Variants in RARB observed in about 807,000 individuals in gnomAD.
RARB encodes the protein retinoic acid receptor beta, also known as HBV-activated protein.
In RARB, 17 loss-of-function variants were observed where a neutral mutation model predicts 51.9. The ratio of observed to expected loss-of-function variants is 0.33; its 90% CI spans 0.22 to 0.49. RARB has a LOEUF of 0.49. Among genes scored for constraint, RARB ranks in the 20% least tolerant of loss-of-function variants. RARB has a pLI of 0.99. For missense variants in RARB, 369 were observed against 550.8 expected (o/e 0.67, Z 3.30); for synonymous variants, 215 against 195.4 (o/e 1.10, Z -0.84).
chr3:25,480,002 G>T (rs1388266629), intron 2 of RARB, among the ~76,000 whole-genome samples: 1 of 152,200 alleles, frequency 6.6e-6, no homozygotes, highest in Admixed American at 6.5e-5. Flanking sequence ...GGAAGTGAGA[G>T]ATTTGCATAT....
intron 5 of RARB, among the ~76,000 whole-genome samples, chr3:25,394,200 A>G (rs1418394915): frequency 6.6e-6 from 1 of 152,152 alleles, no homozygotes; most frequent in South Asian, 2.1e-4. Context: ...ATGTATTTGC[A>G]TGGTTTTGAG....
At chr3:25,216,315 C>G (rs1701830848) in intron 5 of RARB, among the ~76,000 whole-genome samples, 1 of 152,064 alleles carries the variant, frequency 6.6e-6, no homozygotes, top group Non-Finnish European at 1.5e-5. Flanking sequence ...TATCCATAAA[C>G]ACTAAATGTT....
chr3:25,285,261 T>G (rs1703621175), intron 5 of RARB, among the ~76,000 whole-genome samples: 1 of 152,174 alleles, frequency 6.6e-6, no homozygotes, highest in South Asian at 2.1e-4. Flanking sequence ...AGTGATATGA[T>G]GAATTCTGAA....
At chr3:24,904,976 G>T (rs907147855) in intron 2 of RARB, among the ~76,000 whole-genome samples, 1 of 152,100 alleles carries the variant, frequency 6.6e-6, no homozygotes, top group African/African-American at 2.4e-5. Flanking sequence ...AAACACATGG[G>T]CACAGGGAGG....
At chr3:24,899,656 T>G (rs1318495657) in intron 2 of RARB, among the ~76,000 whole-genome samples, 2 of 152,074 alleles carry the variant, frequency 1.3e-5, no homozygotes, top group East Asian at 3.9e-4. Flanking sequence ...GATGAATGGT[T>G]GTTTTGAGGA....
intron 3 of RARB, among the ~76,000 whole-genome samples, chr3:25,100,121 T>C (rs17575546): frequency 0.041 from 6,205 of 152,270 alleles, 167 homozygotes; most frequent in Middle Eastern, 0.075. Flanking sequence ...TTGATTGTCA[T>C]ATCCCTCCAA....
chr3:24,969,569 A>C (rs1183586893), intron 2 of RARB, among the ~76,000 whole-genome samples: 1 of 152,196 alleles, frequency 6.6e-6, no homozygotes, highest in African/African-American at 2.4e-5. Context: ...TCTTTTATTT[A>C]TGTGCCATTT....
At chr3:25,491,483 CAGAAG>C (rs1174558056) in intron 2 of RARB, among the ~76,000 whole-genome samples, 1 of 152,014 alleles carries the variant, frequency 6.6e-6, no homozygotes, top group Non-Finnish European at 1.5e-5. Context: ...TAAGGTCAAC[CAGAAG>C]AGAAGAGAGA....
At chr3:24,909,476 C>T (rs542916740) in intron 2 of RARB, among the ~76,000 whole-genome samples, 5 of 152,040 alleles carry the variant, frequency 3.3e-5, no homozygotes, top group East Asian at 1.9e-4. Flanking sequence ...AGTGTGCACA[C>T]GAGGCCTGTC....
chr3:25,032,438 G>T (rs1339819708), intron 2 of RARB, among the ~76,000 whole-genome samples: 2 of 152,200 alleles, frequency 1.3e-5, no homozygotes, highest in Non-Finnish European at 2.9e-5. Context: ...AGTATCCCTT[G>T]TTGGTTTATA....
chr3:25,392,634 A>AT (rs1005119121), intron 5 of RARB, among the ~76,000 whole-genome samples: 1 of 150,680 alleles, frequency 6.6e-6, no homozygotes, highest in Non-Finnish European at 1.5e-5. Context: ...TCCTATGTAT[A>AT]TTTTTTTTCA....
chr3:25,556,866 C>A (rs1355387188), intron 3 of RARB, among the ~76,000 whole-genome samples: 1 of 152,180 alleles, frequency 6.6e-6, no homozygotes, highest in Non-Finnish European at 1.5e-5. Context: ...AGAAACTGGT[C>A]TGTGACAGTT....
intron 3 of RARB, among the ~76,000 whole-genome samples, chr3:25,548,869 A>T (rs1263377933): frequency 6.6e-6 from 1 of 152,118 alleles, no homozygotes; most frequent in African/African-American, 2.4e-5. Context: ...AGCTGACATT[A>T]TAGATGTTTT....
chr3:25,472,412 CAGAGATGT>C (rs1695741840), intron 2 of RARB, among the ~76,000 whole-genome samples: 1 of 152,164 alleles, frequency 6.6e-6, no homozygotes, highest in Admixed American at 6.5e-5. Flanking sequence ...AAAGTCGACT[CAGAGATGT>C]AGTCTAGCCA....
At chr3:24,913,205 C>T (rs1419520547) in intron 2 of RARB, among the ~76,000 whole-genome samples, 7 of 151,456 alleles carry the variant, frequency 4.6e-5, no homozygotes, top group Non-Finnish European at 8.8e-5. Context: ...ACGATGGTCT[C>T]GATCTCCTGA....
intron 2 of RARB, among the ~76,000 whole-genome samples, chr3:24,963,024 CT>C (rs1181580861): frequency 6.6e-6 from 1 of 152,068 alleles, no homozygotes; most frequent in African/African-American, 2.4e-5. Context: ...CTGTTTATTC[CT>C]TTTTGTTCTA....
At chr3:25,573,556 A>C (rs1164269757) in intron 4 of RARB, among the ~76,000 whole-genome samples, 2 of 152,108 alleles carry the variant, frequency 1.3e-5, no homozygotes, top group African/African-American at 4.8e-5. Flanking sequence ...CATTTGTACT[A>C]TCTCTCCCCA....
intron 2 of RARB, among the ~76,000 whole-genome samples, chr3:25,044,458 A>C (rs925081745): frequency 2.0e-5 from 3 of 152,178 alleles, no homozygotes; most frequent in Admixed American, 1.3e-4. Context: ...GAAAGAAGGA[A>C]GTCTATTTTT....
rs143555274 is a variant in RARB at position 24,959,078 on chromosome 3, C to A, written c.-380+100326C>A. Among the ~76,000 whole-genome samples the A allele has an allele frequency of 5.7e-3, 873 of 152,312 alleles. 13 individuals are homozygous for A. The highest frequency in any genetic ancestry group is 0.027 in the Middle Eastern group (8 of 294). Reference sequence around the variant, plus strand: ...CAGCAATCCCTGAAGCCCCAGAGGGCATGCGTTACAGTGCGCTCTTTTAGC... The same window carrying A: ...CAGCAATCCCTGAAGCCCCAGAGGGAATGCGTTACAGTGCGCTCTTTTAGC... On this transcript the variant is annotated intron_variant, in intron 2 of 11. Coordinates refer to the RARB transcript ENST00000383772.
Sources: allele counts gnomAD v4.1 joint callset (sites outside exome capture counted in the v4.1 genomes callset), GRCh38; gene constraint gnomAD v4.1.1; transcripts MANE v1.5; gene names NCBI Gene and HGNC (gene_info 2026-07-23, HGNC 2026-07-21).